MLIP: variants seen among roughly 807,000 people sequenced by gnomAD.
The protein encoded by MLIP is muscular LMNA interacting protein.
Under a neutral mutation model 84.8 loss-of-function variants are expected in MLIP, and 79 were observed. That is an observed-to-expected ratio of 0.93 (90% CI 0.78 to 1.12). MLIP has a LOEUF of 1.12. Ranked by LOEUF, MLIP falls within the 50% of genes most tolerant of loss-of-function variation. The pLI is 0.00. For missense variants in MLIP, 1,257 were observed against 1,160.6 expected (o/e 1.08, Z -1.21); for synonymous variants, 504 against 463.0 (o/e 1.09, Z -1.14).
chr6:54,100,665 A>T (rs1020195269), intron 1 of MLIP, among the ~76,000 whole-genome samples: 1 of 152,106 alleles, frequency 6.6e-6, no homozygotes, highest in Non-Finnish European at 1.5e-5. Flanking sequence ...CTTGACACGT[A>T]GCACTGTCTT....
intron 4 of MLIP, 140 bp downstream of exon 4, chr6:54,138,426 G>A (rs562857784): frequency 2.2e-6 from 2 of 894,654 alleles, no homozygotes; most frequent in South Asian, 3.8e-5. Context: ...ACGGTACCAG[G>A]ACTTGGTATA....
intron 11 of MLIP, among the ~76,000 whole-genome samples, chr6:54,223,591 T>C (rs180788687): frequency 6.6e-6 from 1 of 152,226 alleles, no homozygotes; most frequent in African/African-American, 2.4e-5. Context: ...TCTGCTTTTA[T>C]GACAGTGCCA....
chr6:54,226,537 A>G (rs1780583076), intron 11 of MLIP, among the ~76,000 whole-genome samples: 1 of 152,098 alleles, frequency 6.6e-6, no homozygotes, highest in South Asian at 2.1e-4. Flanking sequence ...ACTCTAAAAT[A>G]TTAGCAGATA....
At chr6:54,202,741 A>G (rs1582487857) in intron 11 of MLIP, among the ~76,000 whole-genome samples, 1 of 152,132 alleles carries the variant, frequency 6.6e-6, no homozygotes, top group East Asian at 1.9e-4. Context: ...ACAAATTAAA[A>G]AAAATATATA....
intron 1 of MLIP, among the ~76,000 whole-genome samples, chr6:54,081,489 C>T (rs1767147519): frequency 6.6e-6 from 1 of 152,162 alleles, no homozygotes; most frequent in South Asian, 2.1e-4. Flanking sequence ...CTCACTGCAA[C>T]CTCCGCCTCC....
At chr6:54,251,871 T>C (rs1467883328) in intron 12 of MLIP, among the ~76,000 whole-genome samples, 3 of 82,478 alleles carry the variant, frequency 3.6e-5, no homozygotes, top group African/African-American at 2.1e-4. Context: ...ATATATATTA[T>C]AACATATAAT....
chr6:54,122,897 C>G (rs545098328), intron 2 of MLIP, among the ~76,000 whole-genome samples: 11 of 151,732 alleles, frequency 7.2e-5, no homozygotes, highest in African/African-American at 1.2e-4. Flanking sequence ...TTAGACAGTT[C>G]AACATTAAAA....
chr6:54,070,164 C>T (rs535690544), intron 1 of MLIP, among the ~76,000 whole-genome samples: 18 of 152,296 alleles, frequency 1.2e-4, no homozygotes, highest in South Asian at 8.3e-4. Flanking sequence ...TACCCATGCA[C>T]GACTGCTTTA....
intron 12 of MLIP, among the ~76,000 whole-genome samples, chr6:54,240,916 C>T (rs1438131492): frequency 6.6e-5 from 10 of 152,212 alleles, no homozygotes; most frequent in Admixed American, 2.0e-4. Context: ...GTGGAGGTTG[C>T]AGTGAGCCCA....
intron 1 of MLIP, among the ~76,000 whole-genome samples, chr6:54,087,674 T>A (rs1287723463): frequency 1.3e-5 from 2 of 152,172 alleles, no homozygotes; most frequent in Non-Finnish European, 2.9e-5. Flanking sequence ...ATCCAAGCTG[T>A]GGACCTGCAT....
chr6:54,122,772 A>G (rs542874567), intron 2 of MLIP, among the ~76,000 whole-genome samples: 65 of 152,134 alleles, frequency 4.3e-4, no homozygotes, highest in Non-Finnish European at 8.2e-4. Flanking sequence ...GACTGTAGCT[A>G]CATAAACCAA....
In MLIP at chr6:54,124,473, T is replaced by G; in HGVS notation, c.253T>G (p.Ser85Ala). ...TTTTATCTCTCTACATCTATTACAGTCTAAATCCAATGACTACTTGACCTT... is the reference window on the plus strand; with the variant it reads ...TTTTATCTCTCTACATCTATTACAGGCTAAATCCAATGACTACTTGACCTT... Reference protein sequence around the residue: ...SDKSPETVNRSKSNDYLTLNA... With the variant: ...SDKSPETVNRAKSNDYLTLNA... Residue 85 changes from serine to alanine, a missense_variant and splice_region_variant, in exon 3 of 14, where the codon TCT becomes GCT. Coordinates refer to ENST00000502396, the MANE Select transcript of MLIP (RefSeq NM_001281747.2). 1 of 1,611,928 alleles carries G rather than the reference T, an allele frequency of 6.2e-7. No individual in the cohort carries two copies. The highest frequency in any genetic ancestry group is 8.5e-7 in the Non-Finnish European group (1 of 1,178,850).
At chr6:54,230,963 T>C in intron 12 of MLIP, 46 bp downstream of exon 12, 1 of 1,542,614 alleles carries the variant, frequency 6.5e-7, no homozygotes, top group Non-Finnish European at 8.9e-7. Context: ...TCTGTGAACC[T>C]TCATTACGCT....
chr6:54,209,190 C>T (rs756632373), intron 11 of MLIP, among the ~76,000 whole-genome samples: 1 of 152,076 alleles, frequency 6.6e-6, no homozygotes, highest in Non-Finnish European at 1.5e-5. Flanking sequence ...ACAAGATGTA[C>T]AAGTTTGAAG....
At chr6:54,164,823 C>G (rs1414493285) in intron 8 of MLIP, among the ~76,000 whole-genome samples, 1 of 151,546 alleles carries the variant, frequency 6.6e-6, no homozygotes, top group African/African-American at 2.4e-5. Flanking sequence ...TAGTAGTCCA[C>G]TGTGTGGATG....
chr6:54,255,772 G>C (rs1045583728), intron 12 of MLIP, among the ~76,000 whole-genome samples: 1 of 152,088 alleles, frequency 6.6e-6, no homozygotes, highest in Non-Finnish European at 1.5e-5. Context: ...GCTTTATTGG[G>C]ATATTACCAA....
chr6:54,120,868 T>C (rs1582194061), intron 1 of MLIP, among the ~76,000 whole-genome samples: 1 of 152,136 alleles, frequency 6.6e-6, no homozygotes, highest in African/African-American at 2.4e-5. Context: ...CCCTACCTCC[T>C]GAGTACCTGT....
intron 1 of MLIP, among the ~76,000 whole-genome samples, chr6:54,071,475 A>C (rs1487586815): frequency 6.6e-6 from 1 of 152,142 alleles, no homozygotes; most frequent in Non-Finnish European, 1.5e-5. Context: ...ATGATAAATC[A>C]TTGTTTTTCA....
intron 11 of MLIP, among the ~76,000 whole-genome samples, chr6:54,203,083 T>C (rs908846744): frequency 6.6e-6 from 1 of 152,206 alleles, no homozygotes; most frequent in African/African-American, 2.4e-5. Context: ...TCATTTTGTT[T>C]ATGTTTGAAA....
Sources: allele counts gnomAD v4.1 joint callset (sites outside exome capture counted in the v4.1 genomes callset), GRCh38; gene constraint gnomAD v4.1.1; transcripts MANE v1.5; gene names NCBI Gene and HGNC (gene_info 2026-07-23, HGNC 2026-07-21).